Variants in DPH6 observed in about 807,000 individuals in gnomAD.
DPH6 encodes the protein diphthine--ammonia ligase.
Under a neutral mutation model 38.2 loss-of-function variants are expected in DPH6, and 33 were observed. That is an observed-to-expected ratio of 0.86 (90% confidence interval 0.65 to 1.15). DPH6 has a LOEUF of 1.15. Ranked by LOEUF, DPH6 falls within the 50% of genes most tolerant of loss-of-function variation. The probability of loss-of-function intolerance (pLI) is 0.00; values close to 1 mark genes in which losing one functional copy is unlikely to be tolerated. For synonymous variants in DPH6, 108 were observed against 103.0 expected (o/e 1.05, Z -0.30); for missense variants, 325 against 320.0 (o/e 1.02, Z -0.12).
intron 4 of DPH6, among the ~76,000 whole-genome samples, chr15:35,451,382 C>G (rs1485879356): frequency 6.6e-6 from 1 of 151,892 alleles, no homozygotes; most frequent in African/African-American, 2.4e-5. Flanking sequence ...AATTTAAAAC[C>G]TCATTTTGTA....
chr15:35,148,432 T>C, the DPH6 span, among the ~76,000 whole-genome samples: 3 of 152,310 alleles, frequency 2.0e-5, no homozygotes, highest in Admixed American at 6.5e-5. Context: ...ATTGGTTCAA[T>C]AGATTGAAAT....
exon 4 of DPH6, chr15:35,217,531 T>C (rs2051417253): frequency 6.6e-6 from 1 of 152,110 alleles, no homozygotes; most frequent in African/African-American, 2.4e-5. Context: ...TTTGTATTTT[T>C]AGTAGAGATG....
At chr15:35,316,205 A>T (rs551407885) in intron 3 of DPH6, among the ~76,000 whole-genome samples, 1 of 152,342 alleles carries the variant, frequency 6.6e-6, no homozygotes, top group South Asian at 2.1e-4. Context: ...AAGTGTTTCT[A>T]GAATCTTAAA....
At chr15:35,514,146 C>T (rs1264994559) in intron 3 of DPH6, among the ~76,000 whole-genome samples, 3 of 152,058 alleles carry the variant, frequency 2.0e-5, no homozygotes, top group East Asian at 3.9e-4. Flanking sequence ...AAGAAAGCAT[C>T]GATATAAATT....
At chr15:35,284,596 C>T (rs1405013874) in intron 3 of DPH6, among the ~76,000 whole-genome samples, 1 of 150,398 alleles carries the variant, frequency 6.6e-6, no homozygotes, top group Admixed American at 6.6e-5. Context: ...TTTGTAACAG[C>T]CAGTAGACCT....
In DPH6 at chr15:35,303,644, C is replaced by T. The variant is rs530707397; in HGVS notation, n.200+69877G>A. 4.0e-5 allele frequency among the ~76,000 whole-genome samples: 6 copies of T among 150,652 alleles called. No individual in the cohort carries two copies. The South Asian group carries it at 6.2e-4, about 16-fold the overall frequency. On this transcript the variant is annotated intron_variant and non_coding_transcript_variant, in intron 3 of 3. Coordinates refer to the DPH6 transcript ENST00000560386. ...TAACCTGATGATAAAGTAAAATATTCTACCAGTTTTGGTGAAGAGAAAATT... is the reference window on the plus strand; with the variant it reads ...TAACCTGATGATAAAGTAAAATATTTTACCAGTTTTGGTGAAGAGAAAATT...
intron 3 of DPH6, among the ~76,000 whole-genome samples, chr15:35,522,558 C>T (rs889722156): frequency 1.3e-5 from 2 of 151,624 alleles, no homozygotes. Context: ...AAGAACCAAC[C>T]CTGAAAGAAA....
At chr15:35,445,373 G>C (rs1207524422) in intron 5 of DPH6, among the ~76,000 whole-genome samples, 1 of 131,664 alleles carries the variant, frequency 7.6e-6, no homozygotes, top group Non-Finnish European at 1.6e-5. Flanking sequence ...ACTTTAATTA[G>C]TAATAGTCAA....
chr15:35,387,915 T>C (rs2052993426), intron 6 of DPH6, among the ~76,000 whole-genome samples: 1 of 152,114 alleles, frequency 6.6e-6, no homozygotes, highest in African/African-American at 2.4e-5. Context: ...ATCCCTGTCT[T>C]GTGCCAGTTT....
At chr15:35,478,247 C>T (rs904780442) in intron 3 of DPH6, among the ~76,000 whole-genome samples, 2 of 151,752 alleles carry the variant, frequency 1.3e-5, no homozygotes, top group African/African-American at 4.8e-5. Context: ...CTGCTTACCA[C>T]TGTAACAATG....
chr15:35,234,050 T>C (rs1566845635), intron 3 of DPH6, among the ~76,000 whole-genome samples: 1 of 152,238 alleles, frequency 6.6e-6, no homozygotes, highest in Non-Finnish European at 1.5e-5. Context: ...GAACCTGCTA[T>C]GTTTAGTTCA....
chr15:35,210,768 T>C, the DPH6 span, among the ~76,000 whole-genome samples: 1 of 152,060 alleles, frequency 6.6e-6, no homozygotes, highest in Non-Finnish European at 1.5e-5. Context: ...AAGATCTTCC[T>C]TCAAGTCTGT....
intron 3 of DPH6, among the ~76,000 whole-genome samples, chr15:35,361,470 C>T (rs2140907133): frequency 6.6e-6 from 1 of 150,886 alleles, no homozygotes; most frequent in African/African-American, 2.4e-5. Context: ...TACATCATTT[C>T]TCAGATTTGG....
At chr15:35,219,489 C>G (rs928325226) in exon 4 of DPH6, 1 of 152,134 alleles carries the variant, frequency 6.6e-6, no homozygotes, top group African/African-American at 2.4e-5. Flanking sequence ...ATAACTGTTT[C>G]ATGACGCTTT....
chr15:35,228,046 G>A (rs1427525596), intron 3 of DPH6, among the ~76,000 whole-genome samples: 2 of 151,802 alleles, frequency 1.3e-5, no homozygotes, highest in Admixed American at 1.3e-4. Flanking sequence ...CTAATATATG[G>A]TTTTTCCTTT....
the DPH6 span, among the ~76,000 whole-genome samples, chr15:35,170,564 C>G: frequency 6.6e-6 from 1 of 152,102 alleles, no homozygotes; most frequent in Non-Finnish European, 1.5e-5. Context: ...GTACTAAGTA[C>G]CTATTCACTA....
chr15:35,232,377 C>T (rs1374423334), intron 3 of DPH6, among the ~76,000 whole-genome samples: 1 of 152,022 alleles, frequency 6.6e-6, no homozygotes, highest in African/African-American at 2.4e-5. Context: ...GTCAGGAGTT[C>T]AAGACCATCC....
At chr15:35,150,730 T>C in the DPH6 span, among the ~76,000 whole-genome samples, 1 of 152,036 alleles carries the variant, frequency 6.6e-6, no homozygotes, top group Non-Finnish European at 1.5e-5. Context: ...ATAAAAACAA[T>C]CACAAAGATT....
intron 3 of DPH6, among the ~76,000 whole-genome samples, chr15:35,536,261 C>T (rs913488983): frequency 1.3e-5 from 2 of 151,940 alleles, no homozygotes; most frequent in Non-Finnish European, 2.9e-5. Context: ...CCTAGTTATA[C>T]AATCACTTCC....
Sources: gnomAD v4.1 joint callset for allele counts (sites outside exome capture counted in the v4.1 genomes callset) on GRCh38, gnomAD v4.1.1 for gene constraint, MANE v1.5 for transcripts, NCBI Gene and HGNC (gene_info 2026-07-23, HGNC 2026-07-21) for gene names.